FAM184A: variants seen among roughly 807,000 people sequenced by gnomAD.
The protein encoded by FAM184A is family with sequence similarity 184 member A, also known as protein FAM184A.
A neutral mutation model predicts 143.8 loss-of-function variants in FAM184A; 99 were observed. That is an observed-to-expected ratio of 0.69 (90% CI 0.58 to 0.81). The LOEUF is 0.81. Among genes scored for constraint, FAM184A ranks in the 40% least tolerant of loss-of-function variants. The pLI, the probability that FAM184A is intolerant of heterozygous loss-of-function variation, is 0.00. For missense variants in FAM184A, 1,217 were observed against 1,310.5 expected, an observed-to-expected ratio of 0.93 and a Z score of 1.10; for synonymous variants, 427 against 446.4, an observed-to-expected ratio of 0.96 and a Z score of 0.55.
At chr6:119,104,341 C>T (rs139881448) in intron 1 of FAM184A, among the ~76,000 whole-genome samples, 213 of 152,292 alleles carry the variant, frequency 1.4e-3, no homozygotes, top group African/African-American at 5.0e-3. Context: ...GAAAATATTC[C>T]AAATGCCACC....
At chr6:119,147,317 G>A (rs1217343379) in intron 1 of FAM184A, among the ~76,000 whole-genome samples, 3 of 149,984 alleles carry the variant, frequency 2.0e-5, no homozygotes, top group Non-Finnish European at 4.4e-5. Flanking sequence ...GGTATTAACC[G>A]CTGGGCTTCC....
intron 1 of FAM184A, among the ~76,000 whole-genome samples, chr6:119,070,672 T>G (rs1787651114): frequency 6.6e-6 from 1 of 152,190 alleles, no homozygotes. Context: ...ATTTATCTAT[T>G]TATCTAATCC....
At chr6:119,026,441 C>T (rs2114695971) in intron 1 of FAM184A, among the ~76,000 whole-genome samples, 1 of 152,170 alleles carries the variant, frequency 6.6e-6, no homozygotes, top group Middle Eastern at 3.4e-3. Flanking sequence ...CCATAAAAGA[C>T]TGAAAGGATC....
At chr6:119,109,266 A>G (rs902920070) in intron 1 of FAM184A, among the ~76,000 whole-genome samples, 4 of 152,242 alleles carry the variant, frequency 2.6e-5, no homozygotes, top group East Asian at 1.9e-4. Context: ...GTCATGAGAC[A>G]TTTCCCATCT....
intron 14 of FAM184A, among the ~76,000 whole-genome samples, chr6:118,969,424 A>C (rs1783601905): frequency 6.6e-6 from 1 of 152,236 alleles, no homozygotes; most frequent in African/African-American, 2.4e-5. Context: ...ACAGGAAAGC[A>C]TTAAAGGAGA....
At chr6:119,033,353 T>C (rs1433365887) in intron 1 of FAM184A, among the ~76,000 whole-genome samples, 3 of 152,158 alleles carry the variant, frequency 2.0e-5, no homozygotes, top group African/African-American at 7.2e-5. Flanking sequence ...ATTATCTGGA[T>C]GACAGGATCA....
intron 1 of FAM184A, among the ~76,000 whole-genome samples, chr6:119,061,770 A>T (rs1392921518): frequency 6.6e-6 from 1 of 151,948 alleles, no homozygotes. Context: ...ATGAGAGAGG[A>T]TGGGAAGGGC....
intron 1 of FAM184A, among the ~76,000 whole-genome samples, chr6:119,032,602 A>C (rs1164655463): frequency 3.0e-5 from 3 of 101,606 alleles, no homozygotes; most frequent in Non-Finnish European, 5.7e-5. Flanking sequence ...GAGCAGGAGA[A>C]GAGGGGGGAG....
chr6:118,980,046 T>A (rs1185417222), intron 10 of FAM184A, 92 bp downstream of exon 10: 10 of 1,018,860 alleles, frequency 9.8e-6, no homozygotes, highest in Middle Eastern at 3.2e-4. Context: ...AGACCCTGTC[T>A]CAAAAAATAG....
chr6:119,024,712 T>G lies in FAM184A; in HGVS notation c.261A>C (p.Thr87=). ...TTTTATACTGCAATATTTTTTCTCT[T>G]GTTTCAGCAAGAATTTGTTGAATTT... is the stretch of plus-strand genomic sequence containing the variant. ...EEEIQQILAE[T]REKILQYKSK... is the part of the protein sequence containing the mutation. Residue 87 remains threonine (T), a synonymous_variant, in exon 2 of 18, where the codon ACA becomes ACC. Coordinates refer to ENST00000338891, the MANE Select transcript of FAM184A (RefSeq NM_024581.6). 1 of 1,613,958 alleles carries G rather than the reference T, an allele frequency of 6.2e-7. No homozygotes were observed. The highest frequency in any genetic ancestry group is 8.5e-7 in the Non-Finnish European group (1 of 1,180,016).
At chr6:119,062,780 C>T (rs1326795137) in intron 1 of FAM184A, among the ~76,000 whole-genome samples, 1 of 152,192 alleles carries the variant, frequency 6.6e-6, no homozygotes, top group Non-Finnish European at 1.5e-5. Context: ...CAGTTTCACT[C>T]AGATAAAGCT....
intron 1 of FAM184A, among the ~76,000 whole-genome samples, chr6:119,117,272 C>T (rs763179267): frequency 1.3e-5 from 2 of 152,174 alleles, no homozygotes; most frequent in Admixed American, 1.3e-4. Context: ...GAATGATCAA[C>T]AGATTTCTGA....
chr6:119,086,914 A>G (rs1788238490), intron 1 of FAM184A, among the ~76,000 whole-genome samples: 1 of 152,190 alleles, frequency 6.6e-6, no homozygotes, highest in Non-Finnish European at 1.5e-5. Flanking sequence ...TAGGAACAAA[A>G]AAGGATGGAT....
intron 9 of FAM184A, among the ~76,000 whole-genome samples, chr6:119,001,307 A>G (rs1296567453): frequency 6.6e-6 from 1 of 151,646 alleles, no homozygotes; most frequent in Admixed American, 6.6e-5. Context: ...GAAGTGTGGA[A>G]AAAGGAAGAT....
At chr6:119,117,530 A>G (rs576980912) in intron 1 of FAM184A, among the ~76,000 whole-genome samples, 1 of 152,308 alleles carries the variant, frequency 6.6e-6, no homozygotes, top group African/African-American at 2.4e-5. Flanking sequence ...TTGAGAGGCT[A>G]TATCAGTTCT....
At chr6:118,982,487 G>A (rs1001219965) in intron 9 of FAM184A, among the ~76,000 whole-genome samples, 8 of 152,234 alleles carry the variant, frequency 5.3e-5, no homozygotes, top group African/African-American at 7.2e-5. Context: ...CTGACCAAGT[G>A]GGGATTAAAG....
chr6:119,037,640 A>T (rs1786161900), intron 1 of FAM184A, among the ~76,000 whole-genome samples: 1 of 152,242 alleles, frequency 6.6e-6, no homozygotes, highest in Non-Finnish European at 1.5e-5. Context: ...TTAATAATAA[A>T]ATAACAGTCA....
intron 1 of FAM184A, among the ~76,000 whole-genome samples, chr6:119,065,172 C>T (rs1396126937): frequency 6.6e-6 from 1 of 152,164 alleles, no homozygotes; most frequent in Non-Finnish European, 1.5e-5. Context: ...AAGATGATGA[C>T]ATGTCACCAT....
intron 1 of FAM184A, among the ~76,000 whole-genome samples, chr6:119,086,620 G>A (rs1237193380): frequency 6.6e-6 from 1 of 152,164 alleles, no homozygotes; most frequent in Non-Finnish European, 1.5e-5. Flanking sequence ...GTTTGAGAGG[G>A]ATGTCAGAAT....
Sources: allele counts gnomAD v4.1 joint callset (sites outside exome capture counted in the v4.1 genomes callset), GRCh38; gene constraint gnomAD v4.1.1; transcripts MANE v1.5; gene names NCBI Gene and HGNC (gene_info 2026-07-23, HGNC 2026-07-21).